Variants in NPNT observed in about 807,000 individuals in gnomAD.
The protein encoded by NPNT is preosteoblast EGF-like repeat protein with MAM domain.
Under a neutral mutation model 68.6 loss-of-function variants are expected in NPNT, and 45 were observed. The observed-to-expected ratio is 0.66, with a 90% CI of 0.52 to 0.84. The LOEUF is 0.84. Among genes scored for constraint, NPNT ranks in the 40% least tolerant of loss-of-function variants. The probability of loss-of-function intolerance (pLI) is 0.00; values close to 1 mark genes in which losing one functional copy is unlikely to be tolerated. For missense variants in NPNT, 672 were observed against 714.8 expected, an observed-to-expected ratio of 0.94 and a Z score of 0.68; for synonymous variants, 233 against 253.3, an observed-to-expected ratio of 0.92 and a Z score of 0.76.
intron 3 of NPNT, among the ~76,000 whole-genome samples, chr4:105,928,892 C>G (rs1728897116): frequency 6.6e-6 from 1 of 151,876 alleles, no homozygotes; most frequent in African/African-American, 2.4e-5. Context: ...CCAAGATACT[C>G]CTTGAGGTAT....
At chr4:105,933,046 A>G (rs2149362434) in intron 3 of NPNT, among the ~76,000 whole-genome samples, 1 of 152,324 alleles carries the variant, frequency 6.6e-6, no homozygotes, top group Admixed American at 6.5e-5. Flanking sequence ...CCTTTTGCCA[A>G]GGAGATTTTA....
At chr4:105,897,637 A>G (rs1033618188) in intron 1 of NPNT, among the ~76,000 whole-genome samples, 1 of 152,100 alleles carries the variant, frequency 6.6e-6, no homozygotes, top group Non-Finnish European at 1.5e-5. Context: ...TGCTATTTCT[A>G]CTTAAGAAAG....
At position 105,942,502 on chromosome 4, in the gene NPNT, C is replaced by G. The variant is rs1206218296; in HGVS notation, c.959C>G (p.Pro320Arg). Residue 320 changes from proline (P) to arginine (R), a missense_variant, in exon 8 of 12, where the codon CCA becomes CGA. Transcript: ENST00000379987. ...PTSKPTTRPT[P>R]KPTPIPTPPP... ...TCTAAGCCAACAACAAGACCTACACCAAAGCCAACACCAATTCCTACTCCA... is the reference window on the plus strand; with the variant it reads ...TCTAAGCCAACAACAAGACCTACACGAAAGCCAACACCAATTCCTACTCCA... 7 of 1,613,806 alleles carry G rather than the reference C, an allele frequency of 4.3e-6. No homozygotes were observed. The Admixed American group carries it at 5.0e-5, about 12-fold the overall frequency.
intron 2 of NPNT, among the ~76,000 whole-genome samples, chr4:105,923,996 C>G (rs544272670): frequency 6.6e-6 from 1 of 152,110 alleles, no homozygotes; most frequent in South Asian, 2.1e-4. Flanking sequence ...TGTAGCCCCA[C>G]GAGAACACTT....
rs146054342 is a variant in NPNT at position 105,956,574 on chromosome 4, A to G, written c.1160-1897A>G. ...ATTCCATTTTGGAGATGATTTATAT[A>G]AGTTACAACAAAAGAAGGGGACAAA... On this transcript the variant is annotated intron_variant, in intron 8 of 11. Transcript: ENST00000379987. Among the ~76,000 whole-genome samples, 7 of 152,268 alleles carry G rather than the reference A, an allele frequency of 4.6e-5. No homozygotes were observed. In the East Asian group the frequency reaches 1.4e-3, roughly 29 times the overall value.
intron 8 of NPNT, among the ~76,000 whole-genome samples, chr4:105,945,303 C>G (rs1730293284): frequency 6.6e-6 from 1 of 152,100 alleles, no homozygotes; most frequent in Non-Finnish European, 1.5e-5. Flanking sequence ...AAAAGAAAAT[C>G]AAGGAAGAAA....
chr4:105,916,656 C>T (rs1263143793), intron 2 of NPNT, among the ~76,000 whole-genome samples: 1 of 152,202 alleles, frequency 6.6e-6, no homozygotes, highest in Non-Finnish European at 1.5e-5. Context: ...GTCTTCTGTA[C>T]TTCCTCTACA....
At chr4:105,921,953 C>T (rs141825056) in intron 2 of NPNT, among the ~76,000 whole-genome samples, 1 of 152,346 alleles carries the variant, frequency 6.6e-6, no homozygotes, top group Non-Finnish European at 1.5e-5. Context: ...CTGCCCTACC[C>T]TTGCATGTTT....
chr4:105,970,646 A>G lies in NPNT; in HGVS notation c.*1656A>G, dbSNP rs567915525. 36 of 603,998 alleles carry G rather than the reference A, an allele frequency of 6.0e-5. No homozygotes were observed. The East Asian group carries it at 1.1e-3, about 18-fold the overall frequency. 37.4% of individuals were successfully genotyped at this position (603,998 alleles called of 1,614,324 possible). On this transcript the variant is annotated 3_prime_UTR_variant, in exon 12 of 12. Coordinates refer to ENST00000379987, the MANE Select transcript of NPNT (RefSeq NM_001033047.3). ...CATTGTTAGAATACTTCATAAAAAA[A>G]GAAGTGTGAAAATCTCAGTATCTCT...
chr4:105,936,915 C>G lies in NPNT; in HGVS notation c.266-94C>G. ...AGTTACTGTAGCTTGACCTATTTTT[C>G]TCTTTCATTTTTTAATATAGAAAAG... On this transcript the variant is annotated intron_variant, in intron 3 of 11. Transcript: ENST00000379987. The G allele has an allele frequency of 3.2e-6, 4 of 1,249,886 alleles. No homozygotes were observed. The South Asian group carries it at 6.3e-5, about 20-fold the overall frequency. 77.4% of individuals were successfully genotyped at this position (1,249,886 alleles called of 1,614,324 possible).
At chr4:105,956,714 A>T (rs150839740) in intron 8 of NPNT, among the ~76,000 whole-genome samples, 3 of 152,128 alleles carry the variant, frequency 2.0e-5, no homozygotes, top group Non-Finnish European at 4.4e-5. Context: ...CAGAGCACCA[A>T]ATAAGGAAAG....
rs1730881679 is a variant in NPNT at position 105,952,085 on chromosome 4, T to C, written c.1160-6386T>C. ...AATACATATTAGCTATTACTGCTAC[T>C]ATTGATGTTGAATTCATTTATATAG... On this transcript the variant is annotated intron_variant, in intron 8 of 11. Transcript: ENST00000379987. Among the ~76,000 whole-genome samples the C allele has an allele frequency of 2.6e-5, 4 of 152,238 alleles. 1 individual carries two copies. The South Asian group carries it at 8.3e-4, about 31-fold the overall frequency.
chr4:105,923,846 C>T (rs1238814955), intron 2 of NPNT, among the ~76,000 whole-genome samples: 3 of 152,188 alleles, frequency 2.0e-5, no homozygotes, highest in Non-Finnish European at 2.9e-5. Flanking sequence ...ACCCATCCCC[C>T]ACTCAAAAAA....
At chr4:105,924,455 C>G (rs745309183) in intron 2 of NPNT, among the ~76,000 whole-genome samples, 35 of 152,244 alleles carry the variant, frequency 2.3e-4, no homozygotes, top group Admixed American at 9.8e-4. Flanking sequence ...TATGAGTATC[C>G]TACCGCATTT....
intron 8 of NPNT, among the ~76,000 whole-genome samples, chr4:105,949,738 T>C (rs1730672938): frequency 6.6e-6 from 1 of 152,140 alleles, no homozygotes; most frequent in Non-Finnish European, 1.5e-5. Context: ...TTATGGAAAA[T>C]ATTTAATAAT....
chr4:105,939,950 A>G (rs1729800192), intron 5 of NPNT, 125 bp from the exon 6 acceptor site: 1 of 737,264 alleles, frequency 1.4e-6, no homozygotes. Context: ...ACAACCAGCT[A>G]GATACCGTTT....
At chr4:105,898,068 AC>A in intron 2 of NPNT, 67 bp downstream of exon 2, 1 of 1,061,976 alleles carries the variant, frequency 9.4e-7, no homozygotes, top group Non-Finnish European at 1.4e-6. Context: ...TCATGGCTTC[AC>A]CCCACATATC....
At chr4:105,909,006 C>T (rs1727142367) in intron 2 of NPNT, among the ~76,000 whole-genome samples, 1 of 152,114 alleles carries the variant, frequency 6.6e-6, no homozygotes, top group Admixed American at 6.5e-5. Flanking sequence ...AAATATTGTT[C>T]CAAAGTGTTT....
At chr4:105,965,768 T>C (rs1578696306) in intron 10 of NPNT, among the ~76,000 whole-genome samples, 2 of 152,214 alleles carry the variant, frequency 1.3e-5, no homozygotes, top group South Asian at 4.1e-4. Flanking sequence ...TTTTTAGTGA[T>C]TCAAGTACGT....
Sources: gnomAD v4.1 joint callset for allele counts (sites outside exome capture counted in the v4.1 genomes callset) on GRCh38, gnomAD v4.1.1 for gene constraint, MANE v1.5 for transcripts, NCBI Gene and HGNC (gene_info 2026-07-23, HGNC 2026-07-21) for gene names.